Variants in LYPD1 observed in about 807,000 individuals in gnomAD.
LYPD1 encodes LY6/PLAUR domain containing 1.
In LYPD1, 14 loss-of-function variants were observed where a neutral mutation model predicts 14.2. The ratio of observed to expected loss-of-function variants is 0.99; its 90% CI spans 0.65 to 1.54. LYPD1 has a LOEUF of 1.54. Among genes scored for constraint, LYPD1 ranks in the 40% most tolerant of loss-of-function variants. The pLI is 0.00. For synonymous variants in LYPD1, 85 were observed against 70.6 expected (o/e 1.20, Z -1.02); for missense variants, 165 against 175.7 (o/e 0.94, Z 0.34).
At chr2:132,658,047 T>C (rs912889108) in intron 2 of LYPD1, among the ~76,000 whole-genome samples, 2 of 152,190 alleles carry the variant, frequency 1.3e-5, no homozygotes, top group African/African-American at 4.8e-5. Flanking sequence ...TGGAAACTCT[T>C]TTGCGTTCTC....
intron 2 of LYPD1, among the ~76,000 whole-genome samples, chr2:132,666,200 T>C (rs1185413194): frequency 1.3e-5 from 2 of 152,200 alleles, no homozygotes; most frequent in Admixed American, 6.5e-5. Context: ...TGTGTTCACT[T>C]AAAGTTTTAG....
Position 132,646,116 on chromosome 2 carries a change from A to AGGCAGAACTTCCCCTTTTCTT in LYPD1, c.334_354dup (p.Lys112_Ala118dup), listed in dbSNP as rs2104889330. ...GTGCGGAGCCCTGGCCTGAGGGCCG[A>AGGCAGAACTTCCCCTTTTCTT]GGCAGAACTTCCCCTTTTCTTGGGC... is the stretch of plus-strand genomic sequence containing the variant. On this transcript the variant is annotated inframe_insertion, in exon 3 of 3. Coordinates refer to ENST00000397463, the MANE Select transcript of LYPD1 (RefSeq NM_144586.7). 1.2e-6 allele frequency: 2 copies of AGGCAGAACTTCCCCTTTTCTT among 1,609,648 alleles called. No homozygotes were observed. Among genetic ancestry groups the AGGCAGAACTTCCCCTTTTCTT allele is most frequent in the East Asian group, 4.5e-5 (2 of 44,590 alleles).
At position 132,666,334 on chromosome 2, in the gene LYPD1, G is replaced by C. The variant is rs79826563; in HGVS notation, c.190+2066C>G. On this transcript the variant is annotated intron_variant, in intron 2 of 2. Coordinates refer to ENST00000397463, the MANE Select transcript of LYPD1 (RefSeq NM_144586.7). ...ACATTGCTCTTTTGATGCAGAAACA[G>C]ATCCGTTTGGCTTGTTTCTGTGGAG... Among the ~76,000 whole-genome samples the C allele has an allele frequency of 2.0e-5, 3 of 152,302 alleles. No homozygotes were observed. In the East Asian group the frequency reaches 5.8e-4, roughly 29 times the overall value.
Position 132,643,389 on chromosome 2 carries a change from A to G in LYPD1, c.*2656T>C, listed in dbSNP as rs1681900217. Among the ~76,000 whole-genome samples, 2 of 152,190 alleles carry G rather than the reference A, an allele frequency of 1.3e-5. No homozygotes were observed. Among genetic ancestry groups the G allele is most frequent in the Non-Finnish European group, 2.9e-5 (2 of 68,012 alleles). On this transcript the variant is annotated 3_prime_UTR_variant, in exon 3 of 3. Coordinates refer to ENST00000397463, the MANE Select transcript of LYPD1 (RefSeq NM_144586.7). ...AGTTTCCAAGGCCTTCCTTGCTCAC[A>G]TATGGATTTGTGGAGGATTTGAACA...
Position 132,645,158 on chromosome 2 carries a change from T to G in LYPD1, c.*887A>C. ...ATGCCCAACCAGATTCGGAGGATCA[T>G]GGCTGCGGCCAAACCCAAGCACGAC... On this transcript the variant is annotated 3_prime_UTR_variant, in exon 3 of 3. Transcript: ENST00000397463. The G allele has an allele frequency of 6.2e-7, 1 of 1,614,216 alleles. No homozygotes were observed. The highest frequency in any genetic ancestry group is 8.5e-7 in the Non-Finnish European group (1 of 1,180,036).
upstream of LYPD1, chr2:132,670,301 G>T (rs953919706): frequency 3.6e-5 from 11 of 304,604 alleles, no homozygotes; most frequent in Admixed American, 1.2e-4. This position sits in a 1 kb window ranked among gnomAD's most constrained non-coding sequence, Gnocchi z 4.5. Context: ...TGGGGTGGGG[G>T]TGGCGGGCGG....
Position 132,660,780 on chromosome 2 carries a change from G to A in LYPD1, c.190+7620C>T, listed in dbSNP as rs554705792. On this transcript the variant is annotated intron_variant, in intron 2 of 2. Coordinates refer to ENST00000397463, the MANE Select transcript of LYPD1 (RefSeq NM_144586.7). ...CAGAGAAGAAAAGATATGTCTCATG[G>A]TTAAATGAGTAAGGAGTTCTGCCTA... Among the ~76,000 whole-genome samples, 3 of 152,312 alleles carry A rather than the reference G, an allele frequency of 2.0e-5. 1 individual carries two copies. The South Asian group carries it at 6.2e-4, about 32-fold the overall frequency.
chr2:132,660,658 G>C (rs1682875508), intron 2 of LYPD1: 1 of 152,172 alleles, frequency 6.6e-6, no homozygotes, highest in South Asian at 2.1e-4. Context: ...TCTTCTACCA[G>C]CAACTTTGCT....
Position 132,645,242 on chromosome 2 carries a change from T to C in LYPD1, c.*803A>G. 6.2e-7 allele frequency: 1 copy of C among 1,614,162 alleles called. No homozygotes were observed. The highest frequency in any genetic ancestry group is 8.5e-7 in the Non-Finnish European group (1 of 1,180,030). On this transcript the variant is annotated 3_prime_UTR_variant, in exon 3 of 3. Transcript: ENST00000397463. ...CTCCTCCCCTTCTCGGAGACGTTTT[T>C]CTACCTCAGCTCGGTCATCAACCCG...
At position 132,657,482 on chromosome 2, in the gene LYPD1, C is replaced by G. The variant is rs569083162; in HGVS notation, c.190+10918G>C. On this transcript the variant is annotated intron_variant, in intron 2 of 2. Coordinates refer to ENST00000397463, the MANE Select transcript of LYPD1 (RefSeq NM_144586.7). ...ATTAACACAGTGGGGCCCAAAGATT[C>G]TTAATCAGTTTCTTGCATACAAATT... 3.9e-5 allele frequency among the ~76,000 whole-genome samples: 6 copies of G among 152,328 alleles called. 1 individual carries two copies. The South Asian group carries it at 1.2e-3, about 32-fold the overall frequency.
rs1300508648 is a variant in LYPD1, at chr2:132,644,845, G to GTA, written c.*1198_*1199dup. On this transcript the variant is annotated 3_prime_UTR_variant, in exon 3 of 3. Coordinates refer to ENST00000397463, the MANE Select transcript of LYPD1 (RefSeq NM_144586.7). ...TTTTAAAATTAACAGACATCAACTG[G>GTA]TATAAATACACTGTCTAAAGCATTT... 2.0e-6 allele frequency: 1 copy of GTA among 491,834 alleles called. No individual in the cohort carries two copies. Among genetic ancestry groups the GTA allele is most frequent in the Non-Finnish European group, 3.6e-6 (1 of 280,298 alleles). The allele number at this position is 491,834 out of a possible 1,614,324, so 30.5% of individuals were successfully genotyped here.
intron 2 of LYPD1, among the ~76,000 whole-genome samples, chr2:132,659,267 T>C (rs188990387): frequency 6.5e-4 from 99 of 152,318 alleles, no homozygotes; most frequent in Admixed American, 2.3e-3. Flanking sequence ...TTCTTCAATA[T>C]ACGCAGTCAG....
At chr2:132,663,148 A>C (rs2082181) in intron 2 of LYPD1, 1 of 152,110 alleles carries the variant, frequency 6.6e-6, no homozygotes, top group African/African-American at 2.4e-5. Flanking sequence ...GAACATTCAC[A>C]GAATAGAATC....
intron 2 of LYPD1, 102 bp from the exon 3 acceptor site, chr2:132,646,382 C>CACAGCCCAGAG (rs1325540669): frequency 1.4e-6 from 1 of 705,940 alleles, no homozygotes; most frequent in East Asian, 3.3e-5. Flanking sequence ...TTACTCCTCC[C>CACAGCCCAGAG]ACAGCCCAGA....
Position 132,668,551 on chromosome 2 carries a change from G to T in LYPD1, c.53-14C>A, listed in dbSNP as rs755495271. On this transcript the variant is annotated splice_polypyrimidine_tract_variant and intron_variant, in intron 1 of 2. Transcript: ENST00000397463. The stretch of plus-strand genomic sequence containing the variant: ...GCAGCGCAAAGCCTGCGAGACAGAC[G>T]CAGTCGGGTTCAGATCCGGCCCCCA... 3 of 1,610,356 alleles carry T rather than the reference G, an allele frequency of 1.9e-6. No individual in the cohort carries two copies. The highest frequency in any genetic ancestry group is 2.5e-6 in the Non-Finnish European group (3 of 1,178,970).
intron 2 of LYPD1, 186 bp from the exon 3 acceptor site, chr2:132,646,466 C>G (rs920186711): frequency 1.9e-4 from 76 of 409,330 alleles, no homozygotes; most frequent in African/African-American, 1.5e-3. Context: ...GAGACAGGCA[C>G]TATTTCATTA....
At position 132,669,818 on chromosome 2, in the gene LYPD1, G is replaced by C; in HGVS notation, c.52+63C>G. On this transcript the variant is annotated intron_variant, in intron 1 of 2. Coordinates refer to ENST00000397463, the MANE Select transcript of LYPD1 (RefSeq NM_144586.7). The surrounding 1 kb of genome is among the most constrained non-coding windows in gnomAD (Gnocchi z 4.3). Reference sequence around the variant, plus strand: ...CGAGGTGGGCGCCTTGGGGGCAAAAGGGCTGGCGGGTAGATGGATTGTGCG... The same window carrying C: ...CGAGGTGGGCGCCTTGGGGGCAAAACGGCTGGCGGGTAGATGGATTGTGCG... 2 of 1,592,508 alleles carry C rather than the reference G, an allele frequency of 1.3e-6. No individual in the cohort carries two copies. Among genetic ancestry groups the C allele is most frequent in the South Asian group, 1.1e-5 (1 of 88,828 alleles).
intron 2 of LYPD1, among the ~76,000 whole-genome samples, chr2:132,665,617 C>T (rs778822320): frequency 6.6e-6 from 1 of 152,220 alleles, no homozygotes; most frequent in Non-Finnish European, 1.5e-5. Flanking sequence ...AAGCAGGCTT[C>T]AAGCGCCTCT....
chr2:132,670,023 C>G lies in LYPD1; in HGVS notation c.-91G>C. On this transcript the variant is annotated 5_prime_UTR_variant, in exon 1 of 3. Transcript: ENST00000397463. This position sits in a 1 kb window ranked among gnomAD's most constrained non-coding sequence, Gnocchi z 4.5. ...CCCCGGCTGCAGCGGCTGTGGCTGC[C>G]GAGGCTGCTGGGGCCCGCGCTGCTG... 1.9e-6 allele frequency: 3 copies of G among 1,568,404 alleles called. No homozygotes were observed. Among genetic ancestry groups the G allele is most frequent in the Admixed American group, 1.8e-5 (1 of 55,004 alleles).
Sources: allele counts gnomAD v4.1 joint callset (sites outside exome capture counted in the v4.1 genomes callset), GRCh38; gene constraint gnomAD v4.1.1; non-coding constraint Gnocchi (gnomAD v3.1); transcripts MANE v1.5; gene names NCBI Gene and HGNC (gene_info 2026-07-23, HGNC 2026-07-21).